The following CHRNA7 variants were observed in gnomAD, a reference collection of about 807,000 sequenced individuals.
CHRNA7 encodes neuronal acetylcholine receptor subunit alpha-7.
A neutral mutation model predicts 48.0 loss-of-function variants in CHRNA7; 17 were observed. The observed-to-expected ratio is 0.35, with a 90% confidence interval of 0.24 to 0.53. The LOEUF (loss-of-function observed/expected upper bound fraction) is 0.53. CHRNA7 is among the 20% of genes least tolerant of loss of function. The pLI is 0.92. For missense variants in CHRNA7, 155 were observed against 577.7 expected, an observed-to-expected ratio of 0.27 and a Z score of 7.50; for synonymous variants, 75 against 242.3, an observed-to-expected ratio of 0.31 and a Z score of 6.41.
intron 3 of CHRNA7, among the ~76,000 whole-genome samples, chr15:32,107,897 A>G (rs2050697324): frequency 6.6e-6 from 1 of 152,136 alleles, no homozygotes; most frequent in Non-Finnish European, 1.5e-5. Context: ...GCGTAAACTC[A>G]GGCCTCAGGC....
At chr15:32,106,076 A>G (rs976338693) in intron 3 of CHRNA7, among the ~76,000 whole-genome samples, 2 of 152,158 alleles carry the variant, frequency 1.3e-5, no homozygotes, top group African/African-American at 4.8e-5. Context: ...GCAACCTTCC[A>G]TTGATTGCTG....
At chr15:32,156,069 A>G (rs1185829411) in intron 5 of CHRNA7, 1 of 94,118 alleles carries the variant, frequency 1.1e-5, no homozygotes, top group Non-Finnish European at 2.2e-5. Context: ...AACCATTACC[A>G]CAGTCTAGTT....
intron 2 of CHRNA7, among the ~76,000 whole-genome samples, chr15:32,055,694 A>G (rs2049774930): frequency 6.6e-6 from 1 of 152,170 alleles, no homozygotes; most frequent in African/African-American, 2.4e-5. Flanking sequence ...AAACCATTGC[A>G]GTTGGCCAGG....
intron 3 of CHRNA7, among the ~76,000 whole-genome samples, chr15:32,108,931 G>A (rs1001877282): frequency 6.6e-6 from 1 of 152,096 alleles, no homozygotes; most frequent in Non-Finnish European, 1.5e-5. Context: ...CAGACCCTTG[G>A]TGCAAACCCA....
chr15:32,046,517 T>G (rs1402132852), intron 2 of CHRNA7, among the ~76,000 whole-genome samples: 3 of 85,290 alleles, frequency 3.5e-5, no homozygotes, highest in Non-Finnish European at 6.4e-5. Context: ...GATGGGGTTG[T>G]TTGTTTTTTT....
chr15:32,148,643 C>T lies in CHRNA7; in HGVS notation c.351-5264C>T, dbSNP rs538170619. On this transcript the variant is annotated intron_variant, in intron 4 of 9. Transcript: ENST00000306901. Reference sequence around the variant, plus strand: ...CATGGGCTCCCCCTGCCTATACTGCCATTGACGTCTGAAAGCACAGCTTGT... The same window carrying T: ...CATGGGCTCCCCCTGCCTATACTGCTATTGACGTCTGAAAGCACAGCTTGT... Among the ~76,000 whole-genome samples the T allele has an allele frequency of 3.2e-4, 49 of 152,352 alleles. 1 individual carries two copies. In the South Asian group the frequency reaches 9.3e-3, roughly 29 times the overall value.
intron 2 of CHRNA7, chr15:32,100,072 C>T (rs1258850163): frequency 1.3e-5 from 2 of 152,176 alleles, no homozygotes; most frequent in Admixed American, 6.5e-5. Flanking sequence ...CACTGATGTC[C>T]CTGTCAACTG....
chr15:32,039,757 A>G (rs546964134), intron 2 of CHRNA7, among the ~76,000 whole-genome samples: 1 of 152,126 alleles, frequency 6.6e-6, no homozygotes, highest in East Asian at 1.9e-4. Flanking sequence ...GATGTTGCTT[A>G]TATCCAATTG....
chr15:32,036,302 G>A (rs1902082241), intron 2 of CHRNA7, among the ~76,000 whole-genome samples: 1 of 152,160 alleles, frequency 6.6e-6, no homozygotes, highest in Admixed American at 6.5e-5. Flanking sequence ...CCAGTGGTCT[G>A]GATGTAGCAC....
At chr15:32,046,177 T>C (rs2049541710) in intron 2 of CHRNA7, among the ~76,000 whole-genome samples, 1 of 151,998 alleles carries the variant, frequency 6.6e-6, no homozygotes. Flanking sequence ...CCTTTGGGTA[T>C]ATACCCAGTA....
intron 2 of CHRNA7, among the ~76,000 whole-genome samples, chr15:32,098,210 G>GA (rs201928610): frequency 6.6e-6 from 1 of 152,074 alleles, no homozygotes; most frequent in African/African-American, 2.4e-5. Context: ...CCTCTGTGCA[G>GA]AAGCCTGTCA....
At chr15:32,120,812 T>C (rs2050955695) in intron 4 of CHRNA7, among the ~76,000 whole-genome samples, 1 of 152,132 alleles carries the variant, frequency 6.6e-6, no homozygotes, top group South Asian at 2.1e-4. Context: ...GATGAGCTTA[T>C]TGATCTTTGT....
intron 2 of CHRNA7, among the ~76,000 whole-genome samples, chr15:32,096,167 A>G (rs1172423403): frequency 2.6e-5 from 4 of 152,250 alleles, no homozygotes; most frequent in African/African-American, 9.6e-5. Context: ...ATTGTCGTGA[A>G]GCCAAAATGC....
At chr15:32,084,158 C>T (rs1595428073) in intron 2 of CHRNA7, among the ~76,000 whole-genome samples, 1 of 152,168 alleles carries the variant, frequency 6.6e-6, no homozygotes, top group Non-Finnish European at 1.5e-5. Flanking sequence ...ATGGAACTCG[C>T]TATTTATAAA....
chr15:32,124,301 A>G (rs1595474513), intron 4 of CHRNA7, among the ~76,000 whole-genome samples: 1 of 152,210 alleles, frequency 6.6e-6, no homozygotes, highest in Admixed American at 6.5e-5. Flanking sequence ...CAAAATGAAT[A>G]TTTTATATTG....
rs140533237 is a variant in CHRNA7 at position 32,068,106 on chromosome 15, G to A, written c.196-33197G>A. ...ACAGGAGGATTGCTTGAGGCCTATC[G>A]TTGGAGGCTAGCCTGGGTTACAGAG... On this transcript the variant is annotated intron_variant, in intron 2 of 9. Transcript: ENST00000306901. Among the ~76,000 whole-genome samples the A allele has an allele frequency of 2.0e-3, 309 of 152,210 alleles. 1 individual carries two copies. The highest frequency in any genetic ancestry group is 6.7e-3 in the African/African-American group (278 of 41,520).
At chr15:32,114,075 T>C (rs1449562551) in intron 4 of CHRNA7, among the ~76,000 whole-genome samples, 17 of 113,142 alleles carry the variant, frequency 1.5e-4, no homozygotes, top group African/African-American at 4.8e-4. Context: ...TATATATATA[T>C]ACACATACAT....
intron 2 of CHRNA7, among the ~76,000 whole-genome samples, chr15:32,095,990 C>T (rs1443003581): frequency 6.6e-6 from 1 of 152,190 alleles, no homozygotes; most frequent in Non-Finnish European, 1.5e-5. Context: ...TTGTTTGTTT[C>T]ATAATTGATA....
intron 2 of CHRNA7, among the ~76,000 whole-genome samples, chr15:32,061,321 G>A (rs780206169): frequency 6.5e-4 from 99 of 152,260 alleles, no homozygotes; most frequent in Middle Eastern, 3.4e-3. Flanking sequence ...CGTTTCCTGC[G>A]TGGAAAGAAC....
Sources: gnomAD v4.1 joint callset for allele counts (sites outside exome capture counted in the v4.1 genomes callset) on GRCh38, gnomAD v4.1.1 for gene constraint, MANE v1.5 for transcripts, NCBI Gene and HGNC (gene_info 2026-07-23, HGNC 2026-07-21) for gene names.